The following ALX3 variants were observed in gnomAD, a reference collection of about 807,000 sequenced individuals.
ALX3 encodes the protein homeobox protein aristaless-like 3.
In ALX3, 17 loss-of-function variants were observed where a neutral mutation model predicts 26.3. The observed-to-expected ratio is 0.65, with a 90% confidence interval of 0.44 to 0.97. The LOEUF (loss-of-function observed/expected upper bound fraction) is 0.97. ALX3 is among the 50% of genes least tolerant of loss of function. The pLI is 0.00. For missense variants in ALX3, 461 were observed against 466.5 expected (o/e 0.99, Z 0.11); for synonymous variants, 208 against 201.4 (o/e 1.03, Z -0.28).
At chr1:110,063,460 C>T (rs891800307) in intron 2 of ALX3, among the ~76,000 whole-genome samples, 2 of 152,236 alleles carry the variant, frequency 1.3e-5, no homozygotes, top group East Asian at 1.9e-4. Context: ...TGGATGCAGC[C>T]GTAGGGCCTT....
chr1:110,063,107 TAGACTAGGG>T (rs1653694067), intron 2 of ALX3, among the ~76,000 whole-genome samples: 1 of 152,124 alleles, frequency 6.6e-6, no homozygotes, highest in Non-Finnish European at 1.5e-5. Context: ...AGGAAGCTTC[TAGACTAGGG>T]GTGAGGGCCT....
Position 110,060,668 on chromosome 1 carries a change from G to GCTTCCTCCGT in ALX3, c.*64_*65insACGGAGGAAG. 69 of 1,520,482 alleles carry GCTTCCTCCGT rather than the reference G, an allele frequency of 4.5e-5. No homozygotes were observed. The highest frequency in any genetic ancestry group is 5.7e-5 in the Non-Finnish European group (64 of 1,124,204). 94.2% of individuals were successfully genotyped at this position (1,520,482 alleles called of 1,614,324 possible). The stretch of plus-strand genomic sequence containing the variant: ...CCATCTGGGGCTTGGAGGCAGAGGT[G>GCTTCCTCCGT]GGCTGGGAGCGACTGGGAATGGAAA... On this transcript the variant is annotated 3_prime_UTR_variant, in exon 4 of 4. Coordinates refer to ENST00000647563, the MANE Select transcript of ALX3 (RefSeq NM_006492.3).
Position 110,060,959 on chromosome 1 carries a change from G to A in ALX3, c.806C>T (p.Pro269Leu), listed in dbSNP as rs766147329. The A allele has an allele frequency of 6.2e-7, 1 of 1,612,892 alleles. No homozygotes were observed. Among genetic ancestry groups the A allele is most frequent in the South Asian group, 1.1e-5 (1 of 90,964 alleles). The change falls in exon 4 of 4, where the codon CCA becomes CTA. Residue 269 changes from proline to leucine, a missense_variant. Physicochemically the swap from Pro to Leu is moderately conservative, Grantham distance 98. This residue lies in a region of ALX3 where 169 missense variants were observed against 178.0 expected (regional missense o/e 0.95). Transcript: ENST00000647563. ...GGGGTGGGAATATGGAGACATGCAT[G>A]GGGAGGGGATGCCCTCTGGAGACAC... ...CLVSPEGIPS[P>L]CMSPYSHPHG... is the part of the protein sequence containing the mutation.
At chr1:110,065,508 CAAA>C (rs1395990200) in intron 1 of ALX3, among the ~76,000 whole-genome samples, 1 of 152,158 alleles carries the variant, frequency 6.6e-6, no homozygotes, top group Non-Finnish European at 1.5e-5. Flanking sequence ...CAAGATGGGA[CAAA>C]GAAGCTTCCA....
rs545925004 is a variant in ALX3 at position 110,070,409 on chromosome 1, G to T, written c.204C>A (p.Pro68=). The change falls in exon 1 of 4, where the codon CCC becomes CCA. Residue 68 remains proline, a synonymous_variant. Coordinates refer to ENST00000647563, the MANE Select transcript of ALX3 (RefSeq NM_006492.3). The stretch of plus-strand genomic sequence containing the variant: ...GCCCGAGGTCCTGCAGGTACTTGGC[G>T]GGCGGCTTGGCCGGCTCTGGGAGGT... ...EPYLPEPAKP[P]AKYLQDLGPG... 4 of 1,277,474 alleles carry T rather than the reference G, an allele frequency of 3.1e-6. No homozygotes were observed. Among genetic ancestry groups the T allele is most frequent in the Admixed American group, 3.4e-5 (1 of 29,610 alleles). 79.1% of individuals were successfully genotyped at this position (1,277,474 alleles called of 1,614,324 possible).
intron 1 of ALX3, 45 bp from the exon 2 acceptor site, chr1:110,064,948 G>C (rs1653747844): frequency 1.3e-6 from 2 of 1,538,634 alleles, no homozygotes; most frequent in Non-Finnish European, 1.8e-6. Flanking sequence ...TGAACCAGGG[G>C]CTTTTGTGGG....
intron 2 of ALX3, 120 bp downstream of exon 2, chr1:110,064,467 C>T: frequency 8.1e-7 from 1 of 1,234,516 alleles, no homozygotes. Context: ...CTGGTGCAGG[C>T]CCCTGGGAAA....
intron 2 of ALX3, 98 bp downstream of exon 2, chr1:110,064,489 G>A (rs1653728441): frequency 1.4e-6 from 2 of 1,432,114 alleles, no homozygotes; most frequent in African/African-American, 1.4e-5. Flanking sequence ...GTAGCTCTGG[G>A]AGGCACCAGT....
Position 110,061,130 on chromosome 1 carries a change from C to T in ALX3, c.724-89G>A, listed in dbSNP as rs1653630810. 6 of 1,448,404 alleles carry T rather than the reference C, an allele frequency of 4.1e-6. No homozygotes were observed. In the East Asian group the frequency reaches 1.2e-4, roughly 30 times the overall value. 89.7% of individuals were successfully genotyped at this position (1,448,404 alleles called of 1,614,324 possible). ...GGGCTTTCTCTTTGTCCTTGGGGCC[C>T]CAGAAACTTTCCAGGAAACCTCCAC... On this transcript the variant is annotated intron_variant, in intron 3 of 3. Transcript: ENST00000647563.
chr1:110,070,249 G>C, intron 1 of ALX3, 87 bp downstream of exon 1: 1 of 1,246,444 alleles, frequency 8.0e-7, no homozygotes, highest in Non-Finnish European at 1.0e-6. Flanking sequence ...GCGAGCGGGA[G>C]AGATAAGCAG....
intron 1 of ALX3, among the ~76,000 whole-genome samples, chr1:110,068,458 G>A (rs960185481): frequency 3.3e-5 from 5 of 152,258 alleles, no homozygotes; most frequent in Admixed American, 2.6e-4. Context: ...GAGGCTAGCG[G>A]CCGCCAGGAT....
chr1:110,069,695 G>T (rs1458137444), intron 1 of ALX3, among the ~76,000 whole-genome samples: 2 of 152,250 alleles, frequency 1.3e-5, no homozygotes, highest in Non-Finnish European at 1.5e-5. Flanking sequence ...CTTAGTATGA[G>T]AAATAAGAAT....
chr1:110,063,032 G>A (rs539851351), intron 2 of ALX3, among the ~76,000 whole-genome samples: 66 of 152,234 alleles, frequency 4.3e-4, no homozygotes, highest in African/African-American at 1.6e-3. Flanking sequence ...CATAGGGCAG[G>A]GTGTATGGGT....
Position 110,064,867 on chromosome 1 carries a change from TG to T in ALX3, c.313del (p.Gln105SerfsTer88), listed in dbSNP as rs759127084. 6.2e-7 allele frequency: 1 copy of T among 1,610,518 alleles called. No homozygotes were observed. The highest frequency in any genetic ancestry group is 8.5e-7 in the Non-Finnish European group (1 of 1,178,238). Reference protein sequence around the residue: ...EKTSKAASFPQLPLDCRGGPR... With the variant: ...EKTSKAASFPXLPLDCRGGPR... ...GCCCCCTCGGCAGTCCAAGGGCAGC[TG>T]GGGGAAGCTGGCAGCTTTGGAGGTC... On this transcript the variant is annotated frameshift_variant, in exon 2 of 4. Transcript: ENST00000647563. LOFTEE classifies it high-confidence loss of function.
At position 110,060,713 on chromosome 1, in the gene ALX3, C is replaced by T. The variant is rs781277008; in HGVS notation, c.*20G>A. 8 of 1,303,738 alleles carry T rather than the reference C, an allele frequency of 6.1e-6. No homozygotes were observed. Among genetic ancestry groups the T allele is most frequent in the Non-Finnish European group, 7.8e-6 (8 of 1,022,630 alleles). The allele number at this position is 1,303,738 out of a possible 1,614,324, so 80.8% of individuals were successfully genotyped here. A position where few individuals can be genotyped will look rare whatever the true frequency, so the allele number is the denominator to read the frequency against. ...TGGAAAAAGAGGTGGGCAGCTCATTCTGCAGGTCCATGCAACCGATCACGT... is the reference window on the plus strand; with the variant it reads ...TGGAAAAAGAGGTGGGCAGCTCATTTTGCAGGTCCATGCAACCGATCACGT... On this transcript the variant is annotated 3_prime_UTR_variant, in exon 4 of 4. Transcript: ENST00000647563.
chr1:110,070,106 C>T (rs1653881391), intron 1 of ALX3, among the ~76,000 whole-genome samples: 1 of 152,196 alleles, frequency 6.6e-6, no homozygotes, highest in Admixed American at 6.5e-5. Flanking sequence ...CTCCCGCCTT[C>T]CATTCCCGCC....
chr1:110,069,057 CTG>C (rs775475307), intron 1 of ALX3, among the ~76,000 whole-genome samples: 11 of 152,262 alleles, frequency 7.2e-5, no homozygotes, highest in African/African-American at 1.2e-4. Flanking sequence ...GTACCTGTCT[CTG>C]GCGGTGCTCA....
In ALX3 at chr1:110,069,587, A is replaced by C. The variant is rs187548987; in HGVS notation, c.277+749T>G. 2.8e-3 allele frequency among the ~76,000 whole-genome samples: 432 copies of C among 152,360 alleles called. 1 individual carries two copies. The highest frequency in any genetic ancestry group is 9.9e-3 in the African/African-American group (411 of 41,588). On this transcript the variant is annotated intron_variant, in intron 1 of 3. Transcript: ENST00000647563. Reference sequence around the variant, plus strand: ...GCGGCGCCAGGGGGTTAGGCTGCCCAGGGCTGCTCCTGACTGCCCAGCGGT... The same window carrying C: ...GCGGCGCCAGGGGGTTAGGCTGCCCCGGGCTGCTCCTGACTGCCCAGCGGT...
chr1:110,070,250 A>C, intron 1 of ALX3, 86 bp downstream of exon 1: 2 of 1,247,544 alleles, frequency 1.6e-6, no homozygotes, highest in Non-Finnish European at 2.0e-6. Context: ...CGAGCGGGAG[A>C]GATAAGCAGG....
Sources: gnomAD v4.1 joint callset for allele counts (sites outside exome capture counted in the v4.1 genomes callset) on GRCh38, gnomAD v4.1.1 for gene constraint, gnomAD v4.1.1 regional missense constraint, MANE v1.5 for transcripts, NCBI Gene and HGNC (gene_info 2026-07-23, HGNC 2026-07-21) for gene names.